TXNRD1: variants seen among roughly 807,000 people sequenced by gnomAD.
TXNRD1 encodes thioredoxin reductase 1, cytoplasmic.
In TXNRD1, 57 loss-of-function variants were observed where a neutral mutation model predicts 80.3. That is an observed-to-expected ratio of 0.71 (90% confidence interval 0.57 to 0.89). The LOEUF (loss-of-function observed/expected upper bound fraction) is 0.89. TXNRD1 is among the 40% of genes least tolerant of loss of function. The pLI is 0.00. For missense variants in TXNRD1, 730 were observed against 803.0 expected (o/e 0.91, Z 1.10); for synonymous variants, 291 against 285.2 (o/e 1.02, Z -0.20).
intron 10 of TXNRD1, among the ~76,000 whole-genome samples, chr12:104,324,824 T>C (rs1163473314): frequency 2.0e-5 from 3 of 152,220 alleles, no homozygotes; most frequent in African/African-American, 7.2e-5. Flanking sequence ...CACCCACATC[T>C]CCTTGCCCAC....
intron 9 of TXNRD1, among the ~76,000 whole-genome samples, chr12:104,320,585 TAGA>T (rs936593302): frequency 2.5e-4 from 38 of 152,208 alleles, no homozygotes; most frequent in African/African-American, 8.7e-4. Flanking sequence ...CTAGCTCAAC[TAGA>T]AGACTTTTGT....
intron 1 of TXNRD1, among the ~76,000 whole-genome samples, chr12:104,219,153 C>G (rs893150274): frequency 1.3e-5 from 2 of 151,914 alleles, no homozygotes; most frequent in African/African-American, 4.8e-5. Context: ...AAGCAACAGC[C>G]CCATCTGATC....
intron 3 of TXNRD1, among the ~76,000 whole-genome samples, chr12:104,260,493 A>G (rs745619661): frequency 2.8e-4 from 42 of 152,112 alleles, no homozygotes; most frequent in Non-Finnish European, 4.6e-4. Context: ...AAAAAACACA[A>G]AAAACAACAA....
chr12:104,343,273 G>T (rs922077997), intron 16 of TXNRD1, among the ~76,000 whole-genome samples: 1 of 152,118 alleles, frequency 6.6e-6, no homozygotes, highest in African/African-American at 2.4e-5. Flanking sequence ...GCCGAGCTGG[G>T]ATTCAAACCC....
chr12:104,321,984 A>G (rs1027797983), intron 10 of TXNRD1, among the ~76,000 whole-genome samples: 4 of 151,832 alleles, frequency 2.6e-5, no homozygotes, highest in Non-Finnish European at 5.9e-5. Context: ...AAAGTTAAGG[A>G]ATTATAGTTG....
chr12:104,219,283 C>T (rs546992221), intron 1 of TXNRD1, among the ~76,000 whole-genome samples: 125 of 152,350 alleles, frequency 8.2e-4, no homozygotes, highest in African/African-American at 2.9e-3. Context: ...CCTACAAACA[C>T]TCTAGAAGCC....
intron 15 of TXNRD1, among the ~76,000 whole-genome samples, chr12:104,335,131 A>G (rs1365501044): frequency 6.6e-6 from 1 of 151,492 alleles, no homozygotes; most frequent in African/African-American, 2.4e-5. Context: ...CCACAGATAT[A>G]CTTTATTCAT....
At position 104,346,837 on chromosome 12, in the gene TXNRD1, G is replaced by A. The variant is rs560984693; in HGVS notation, c.1882-1516G>A. On this transcript the variant is annotated intron_variant, in intron 16 of 16. Coordinates refer to ENST00000525566, the MANE Select transcript of TXNRD1 (RefSeq NM_001093771.3). Reference sequence around the variant, plus strand: ...TGGCCAGGCACAGTGGCTCATGCCTGTAATCTAAGCACTTTGGGAGGCCGA... The same window carrying A: ...TGGCCAGGCACAGTGGCTCATGCCTATAATCTAAGCACTTTGGGAGGCCGA... Among the ~76,000 whole-genome samples, 5 of 152,302 alleles carry A rather than the reference G, an allele frequency of 3.3e-5. No individual in the cohort carries two copies. The East Asian group carries it at 9.6e-4, about 29-fold the overall frequency.
At chr12:104,300,076 G>C (rs996778992) in intron 4 of TXNRD1, among the ~76,000 whole-genome samples, 1 of 152,186 alleles carries the variant, frequency 6.6e-6, no homozygotes, top group Non-Finnish European at 1.5e-5. Flanking sequence ...CCTCACTGGA[G>C]AAAAATAGTG....
intron 16 of TXNRD1, among the ~76,000 whole-genome samples, chr12:104,345,560 G>A (rs1371486941): frequency 2.6e-5 from 4 of 152,192 alleles, no homozygotes; most frequent in Admixed American, 1.3e-4. Context: ...TGCATTTGCC[G>A]TATTCAGTGT....
At chr12:104,234,638 G>GAAAAA (rs33956129) in intron 1 of TXNRD1, among the ~76,000 whole-genome samples, 1 of 125,924 alleles carries the variant, frequency 7.9e-6, no homozygotes, top group Non-Finnish European at 1.6e-5. Context: ...TAAAGTCAGG[G>GAAAAA]AAAAAAAAAA....
intron 3 of TXNRD1, among the ~76,000 whole-genome samples, chr12:104,279,733 C>T (rs2033836013): frequency 6.6e-6 from 1 of 152,094 alleles, no homozygotes. Flanking sequence ...AGCATAAAAA[C>T]ATGCTGTAAT....
In TXNRD1 at chr12:104,337,803, T is replaced by G. The variant is rs2036188476; in HGVS notation, c.1747-1336T>G. Among the ~76,000 whole-genome samples the G allele has an allele frequency of 2.6e-5, 4 of 151,914 alleles. No homozygotes were observed. The South Asian group carries it at 8.3e-4, about 31-fold the overall frequency. ...AAAATTTTATTTGTATTTTATTTTT[T>G]AGAGACAGGGTCTTACTTTATCACC... On this transcript the variant is annotated intron_variant, in intron 15 of 16. Coordinates refer to ENST00000525566, the MANE Select transcript of TXNRD1 (RefSeq NM_001093771.3).
At chr12:104,215,951 G>A in intron 1 of TXNRD1, 58 bp downstream of exon 1, 1 of 1,458,972 alleles carries the variant, frequency 6.9e-7, no homozygotes, top group Non-Finnish European at 9.3e-7. Context: ...GGGCCTTCCG[G>A]CCGGGGTTGG....
intron 3 of TXNRD1, among the ~76,000 whole-genome samples, chr12:104,276,022 G>A (rs546373236): frequency 7.2e-5 from 11 of 152,308 alleles, no homozygotes; most frequent in Middle Eastern, 3.4e-3. Context: ...GCCAGGTTAC[G>A]TGATTTCATT....
At chr12:104,326,972 T>G (rs2035787535) in intron 12 of TXNRD1, among the ~76,000 whole-genome samples, 1 of 152,088 alleles carries the variant, frequency 6.6e-6, no homozygotes, top group Admixed American at 6.6e-5. Flanking sequence ...GGTAGCTGGA[T>G]TACAGGCGCC....
rs180886636 is a variant in TXNRD1 at position 104,334,027 on chromosome 12, A to T, written c.1651-210A>T. On this transcript the variant is annotated intron_variant, in intron 14 of 16. Transcript: ENST00000525566. ...GTACTATTTTGAGGTAGAGATATAC[A>T]TAATTAAGGGATGAGCTTATAGCAA... 21 of 323,034 alleles carry T rather than the reference A, an allele frequency of 6.5e-5. No individual in the cohort carries two copies. In the East Asian group the frequency reaches 9.8e-4, roughly 15 times the overall value. 20.0% of individuals were successfully genotyped at this position (323,034 alleles called of 1,614,324 possible). A position where few individuals can be genotyped will look rare whatever the true frequency, so the allele number is the denominator to read the frequency against.
intron 4 of TXNRD1, chr12:104,304,137 A>C: frequency 6.2e-7 from 1 of 1,614,054 alleles, no homozygotes; most frequent in Non-Finnish European, 8.5e-7. Context: ...TCCTTAACCG[A>C]GGCTCTGGAG....
At chr12:104,335,019 T>C (rs2036086262) in intron 15 of TXNRD1, among the ~76,000 whole-genome samples, 1 of 152,150 alleles carries the variant, frequency 6.6e-6, no homozygotes, top group African/African-American at 2.4e-5. Context: ...AAAGAGCTCT[T>C]AATTGAGTTC....
Sources: allele counts gnomAD v4.1 joint callset (sites outside exome capture counted in the v4.1 genomes callset), GRCh38; gene constraint gnomAD v4.1.1; transcripts MANE v1.5; gene names NCBI Gene and HGNC (gene_info 2026-07-23, HGNC 2026-07-21).